Variants in CSGALNACT1 observed in about 807,000 individuals in gnomAD.
CSGALNACT1 encodes the protein chondroitin sulfate N-acetylgalactosaminyltransferase 1, also known as beta4GalNAcT-1.
CSGALNACT1 carries 52 observed loss-of-function variants against 51.0 expected under a neutral mutation model. The ratio of observed to expected loss-of-function variants is 1.02; its 90% CI spans 0.82 to 1.29. The LOEUF (loss-of-function observed/expected upper bound fraction) is 1.29. CSGALNACT1 is among the 50% of genes most tolerant of loss of function. The pLI, the probability that CSGALNACT1 is intolerant of heterozygous loss-of-function variation, is 0.00. For missense variants in CSGALNACT1, 935 were observed against 679.2 expected, an observed-to-expected ratio of 1.38 and a Z score of -4.19; for synonymous variants, 341 against 254.4, an observed-to-expected ratio of 1.34 and a Z score of -3.24.
chr8:19,643,824 G>A (rs961472023), intron 1 of CSGALNACT1, among the ~76,000 whole-genome samples: 5 of 152,216 alleles, frequency 3.3e-5, no homozygotes, highest in African/African-American at 9.6e-5. Context: ...GCTTCCATCT[G>A]CTGCTGGCTG....
intron 6 of CSGALNACT1, among the ~76,000 whole-genome samples, chr8:19,431,629 C>T (rs1189766935): frequency 6.6e-6 from 1 of 151,546 alleles, no homozygotes; most frequent in African/African-American, 2.4e-5. Flanking sequence ...GTTTTCTTTC[C>T]TTGTTCTGTC....
At chr8:19,596,029 A>G (rs1045346600) in intron 2 of CSGALNACT1, among the ~76,000 whole-genome samples, 5 of 151,822 alleles carry the variant, frequency 3.3e-5, no homozygotes, top group Non-Finnish European at 7.4e-5. Flanking sequence ...ACACCGAGCT[A>G]ATTTTTAAAA....
intron 1 of CSGALNACT1, among the ~76,000 whole-genome samples, chr8:19,639,377 G>A (rs1453642321): frequency 6.6e-6 from 1 of 152,258 alleles, no homozygotes; most frequent in Middle Eastern, 3.4e-3. Flanking sequence ...TGAGAATTTT[G>A]CTCCCAATTT....
Position 19,439,910 on chromosome 8 carries a change from A to G in CSGALNACT1, c.873T>C (p.Asp291=), listed in dbSNP as rs747926038. 9.3e-6 allele frequency: 15 copies of G among 1,614,058 alleles called. No homozygotes were observed. The highest frequency in any genetic ancestry group is 1.3e-5 in the Non-Finnish European group (15 of 1,179,964). The change falls in exon 6 of 10, where the codon GAT becomes GAC. Residue 291 remains aspartate (D), a synonymous_variant. Coordinates refer to ENST00000454498, the Ensembl canonical transcript of CSGALNACT1. ...AAACAACAGTGAGATGGACTCTCCC[A>G]TCCTGCTCAATGCACATCTCCCTGG...
intron 1 of CSGALNACT1, among the ~76,000 whole-genome samples, chr8:19,637,067 G>A (rs1379551728): frequency 1.3e-5 from 2 of 152,028 alleles, no homozygotes; most frequent in Non-Finnish European, 2.9e-5. Flanking sequence ...AGACATGGTG[G>A]TCTCCACCTG....
chr8:19,566,345 C>CCT (rs147187396), intron 3 of CSGALNACT1, among the ~76,000 whole-genome samples: 4,576 of 152,210 alleles, frequency 0.03, 224 homozygotes, highest in African/African-American at 0.1. Flanking sequence ...CTGGAGTCTT[C>CCT]AGAGGAAGCG....
intron 4 of CSGALNACT1, among the ~76,000 whole-genome samples, chr8:19,466,531 G>A (rs774216816): frequency 1.3e-5 from 2 of 152,008 alleles, no homozygotes; most frequent in Non-Finnish European, 2.9e-5. Flanking sequence ...ATACTATTTT[G>A]TTGTCTCACT....
rs963605276 is a variant in CSGALNACT1 at position 19,679,191 on chromosome 8, A to C, written c.-544+3282T>G. ...CTTCCTCTTGGGTGCAGTGGCTCAC[A>C]CCTCTTATCCCAGCACTTTGGGAGG... On this transcript the variant is annotated intron_variant, in intron 1 of 9. Transcript: ENST00000332246. 4.6e-5 allele frequency among the ~76,000 whole-genome samples: 7 copies of C among 152,096 alleles called. 1 individual carries two copies. The highest frequency in any genetic ancestry group is 1.0e-4 in the Non-Finnish European group (7 of 68,020).
chr8:19,506,525 G>A lies in CSGALNACT1; in HGVS notation c.-296-395C>T, dbSNP rs144749204. ...GTTGCTGGCAGCGGACTACTTGGCC[G>A]GAGACTGTGCTGTGTTTGTTTGTCC... On this transcript the variant is annotated intron_variant, in intron 3 of 9. Coordinates refer to ENST00000454498, the Ensembl canonical transcript of CSGALNACT1. 4.1e-3 allele frequency among the ~76,000 whole-genome samples: 631 copies of A among 152,292 alleles called. 9 individuals carry two copies. The highest frequency in any genetic ancestry group is 0.015 in the African/African-American group (606 of 41,560).
At chr8:19,640,027 C>T (rs773833780) in intron 1 of CSGALNACT1, among the ~76,000 whole-genome samples, 3 of 151,824 alleles carry the variant, frequency 2.0e-5, no homozygotes, top group Non-Finnish European at 4.4e-5. Context: ...GGACTACAGG[C>T]GCACCACCAT....
At chr8:19,611,153 A>G (rs561357800) in intron 1 of CSGALNACT1, among the ~76,000 whole-genome samples, 1 of 152,384 alleles carries the variant, frequency 6.6e-6, no homozygotes, top group African/African-American at 2.4e-5. Context: ...TACAGAAAAT[A>G]TAAGCTATAC....
intron 1 of CSGALNACT1, among the ~76,000 whole-genome samples, chr8:19,705,661 G>A (rs112212996): frequency 0.034 from 5,185 of 152,112 alleles, 127 homozygotes; most frequent in Non-Finnish European, 0.052. Flanking sequence ...TGCCTGAGCC[G>A]GGGAGGGGGA....
chr8:19,466,901 C>T (rs1586653941), intron 4 of CSGALNACT1, among the ~76,000 whole-genome samples: 1 of 152,152 alleles, frequency 6.6e-6, no homozygotes, highest in African/African-American at 2.4e-5. Flanking sequence ...GTTTCTTTTA[C>T]CTGATAAGAA....
chr8:19,657,249 A>AAAGAT (rs2058362941), intron 1 of CSGALNACT1, among the ~76,000 whole-genome samples: 1 of 128,844 alleles, frequency 7.8e-6, no homozygotes. Flanking sequence ...TGATAAACTG[A>AAAGAT]AAGATAAACT....
chr8:19,418,896 C>A (rs1027018920), intron 7 of CSGALNACT1, 146 bp from the exon 7 acceptor site: 3 of 696,432 alleles, frequency 4.3e-6, no homozygotes, highest in African/African-American at 3.5e-5. Flanking sequence ...ACCCAGGCTG[C>A]AATAGAGTGG....
rs189126844 is a variant in CSGALNACT1 at position 19,662,884 on chromosome 8, T to C, written c.-544+19589A>G. On this transcript the variant is annotated intron_variant, in intron 1 of 9. Transcript: ENST00000332246. ...GAGGTCATGCCACACATCCAGCTAC[T>C]CTGAGCCTTCAACCACTCCCATGAA... is the stretch of plus-strand genomic sequence containing the variant. Among the ~76,000 whole-genome samples the C allele has an allele frequency of 8.5e-5, 13 of 152,240 alleles. No individual in the cohort carries two copies. In the East Asian group the frequency reaches 2.5e-3, roughly 29 times the overall value.
intron 1 of CSGALNACT1, among the ~76,000 whole-genome samples, chr8:19,668,858 A>G (rs1447613509): frequency 6.6e-6 from 1 of 152,110 alleles, no homozygotes; most frequent in African/African-American, 2.4e-5. Context: ...CGGCCTGCCA[A>G]TTTATTTAAA....
intron 4 of CSGALNACT1, among the ~76,000 whole-genome samples, chr8:19,498,356 G>C (rs145957457): frequency 1.9e-3 from 294 of 152,304 alleles, no homozygotes; most frequent in African/African-American, 6.7e-3. Context: ...AAAACTGGGA[G>C]GCTGATTAAA....
intron 6 of CSGALNACT1, among the ~76,000 whole-genome samples, chr8:19,436,351 G>A (rs1212281319): frequency 6.6e-6 from 1 of 152,106 alleles, no homozygotes; most frequent in Admixed American, 6.6e-5. Context: ...TGTGAGTCTA[G>A]ACCTTAACAG....
Sources: allele counts gnomAD v4.1 joint callset (sites outside exome capture counted in the v4.1 genomes callset), GRCh38; gene constraint gnomAD v4.1.1; transcripts MANE v1.5; gene names NCBI Gene and HGNC (gene_info 2026-07-23, HGNC 2026-07-21).